The following FOXP2 variants were observed in gnomAD, a reference collection of about 807,000 sequenced individuals.
FOXP2 encodes the protein forkhead box protein P2.
A neutral mutation model predicts 115.8 loss-of-function variants in FOXP2; 12 were observed. That is an observed-to-expected ratio of 0.10 (90% CI 0.07 to 0.17). The LOEUF is 0.17. Among genes scored for constraint, FOXP2 ranks in the 10% least tolerant of loss-of-function variants. The pLI is 1.00. For missense variants in FOXP2, 629 were observed against 843.5 expected (o/e 0.75, Z 3.15); for synonymous variants, 328 against 297.7 (o/e 1.10, Z -1.05).
chr7:114,389,789 C>T (rs548880190), intron 2 of FOXP2, among the ~76,000 whole-genome samples: 11 of 151,978 alleles, frequency 7.2e-5, no homozygotes, highest in Admixed American at 5.2e-4. Flanking sequence ...TTTGGGAGGC[C>T]GAGGTGGGTG....
chr7:114,131,016 A>G (rs1475184264), intron 1 of FOXP2, among the ~76,000 whole-genome samples: 4 of 152,152 alleles, frequency 2.6e-5, no homozygotes, highest in African/African-American at 7.2e-5. Flanking sequence ...TTCCATGACA[A>G]CCTCCATGCT....
intron 2 of FOXP2, among the ~76,000 whole-genome samples, chr7:114,472,827 A>T (rs1796107876): frequency 6.6e-6 from 1 of 152,146 alleles, no homozygotes; most frequent in Non-Finnish European, 1.5e-5. Context: ...ACCAATAAAA[A>T]TGTATGTGTG....
At chr7:114,475,369 A>C (rs557022630) in intron 2 of FOXP2, among the ~76,000 whole-genome samples, 1 of 152,206 alleles carries the variant, frequency 6.6e-6, no homozygotes, top group South Asian at 2.1e-4. Flanking sequence ...TTGACTTATC[A>C]AAATTGCAAA....
At chr7:114,557,516 A>C (rs192358206) in intron 3 of FOXP2, among the ~76,000 whole-genome samples, 1 of 152,226 alleles carries the variant, frequency 6.6e-6, no homozygotes, top group East Asian at 1.9e-4. Context: ...CTGACTCCCA[A>C]ATTTTAAAAT....
chr7:114,524,318 G>T (rs759693237), intron 2 of FOXP2, among the ~76,000 whole-genome samples: 1 of 151,930 alleles, frequency 6.6e-6, no homozygotes, highest in Admixed American at 6.6e-5. Flanking sequence ...TAAAGAAAAA[G>T]AAAAAGAATT....
chr7:114,585,836 A>T lies in FOXP2; in HGVS notation c.259-42704A>T, dbSNP rs114445474. On this transcript the variant is annotated intron_variant, in intron 3 of 16. Coordinates refer to ENST00000350908, the MANE Select transcript of FOXP2 (RefSeq NM_014491.4). ...GAGCTGAAATTTTTTTTAACATGCT[A>T]CAAGATAGTGTGCAAATGCATTTAT... Among the ~76,000 whole-genome samples, 914 of 152,274 alleles carry T rather than the reference A, an allele frequency of 6.0e-3. 6 individuals are homozygous for T. Among genetic ancestry groups the T allele is most frequent in the African/African-American group, 0.021 (893 of 41,550 alleles).
chr7:114,117,379 G>A lies in FOXP2; in HGVS notation c.-247+29541G>A, dbSNP rs564886897. Among the ~76,000 whole-genome samples, 4 of 151,808 alleles carry A rather than the reference G, an allele frequency of 2.6e-5. No homozygotes were observed. In the South Asian group the frequency reaches 6.3e-4, roughly 24 times the overall value. ...TGGGATTACAGATGTGCACCACCAC[G>A]CCCAGCTAGTTTTTGTATTTTCAGT... On this transcript the variant is annotated intron_variant, in intron 1 of 19. Transcript: ENST00000635638.
intron 9 of FOXP2, 141 bp downstream of exon 9, chr7:114,652,431 T>G: frequency 1.3e-6 from 1 of 750,158 alleles, no homozygotes; most frequent in Non-Finnish European, 2.3e-6. Context: ...TATTTTAGAT[T>G]GTTTTAAACA....
At chr7:114,091,842 G>T (rs1019812468) in intron 1 of FOXP2, among the ~76,000 whole-genome samples, 2 of 151,810 alleles carry the variant, frequency 1.3e-5, no homozygotes, top group South Asian at 2.1e-4. Context: ...TGGGGTTTAG[G>T]TTCAACCTTT....
chr7:114,429,828 A>G (rs886313180), intron 2 of FOXP2, among the ~76,000 whole-genome samples: 8 of 151,686 alleles, frequency 5.3e-5, no homozygotes, highest in Non-Finnish European at 8.9e-5. Context: ...GCTAGAATCC[A>G]CACATTTTAT....
intron 3 of FOXP2, chr7:114,570,665 A>G (rs1419406992): frequency 2.9e-6 from 2 of 687,168 alleles, no homozygotes; most frequent in African/African-American, 1.8e-5. Context: ...ACTGTGAGAC[A>G]ATGATGGAAT....
At chr7:114,185,926 A>G (rs1184902744) in intron 1 of FOXP2, among the ~76,000 whole-genome samples, 2 of 152,162 alleles carry the variant, frequency 1.3e-5, no homozygotes, top group Non-Finnish European at 2.9e-5. Flanking sequence ...GAAATACACT[A>G]TCAATATACG....
At chr7:114,631,185 G>T in intron 5 of FOXP2, 1 of 314,552 alleles carries the variant, frequency 3.2e-6, no homozygotes, top group African/African-American at 2.1e-5. Flanking sequence ...GTGTGTCGTA[G>T]AAGTTGACTA....
intron 1 of FOXP2, among the ~76,000 whole-genome samples, chr7:114,263,739 T>C (rs746857166): frequency 1.3e-5 from 2 of 151,234 alleles, no homozygotes; most frequent in Non-Finnish European, 3.0e-5. Context: ...GCTTGTGTTT[T>C]CTTTCTTGCA....
At chr7:114,465,503 T>G (rs1795763711) in intron 2 of FOXP2, among the ~76,000 whole-genome samples, 1 of 152,164 alleles carries the variant, frequency 6.6e-6, no homozygotes, top group Non-Finnish European at 1.5e-5. Context: ...ACCAATAAAG[T>G]CTAAGCCTTA....
chr7:114,237,561 C>T (rs576915280), intron 1 of FOXP2, among the ~76,000 whole-genome samples: 1 of 152,000 alleles, frequency 6.6e-6, no homozygotes, highest in Non-Finnish European at 1.5e-5. Flanking sequence ...GCTCTTGAAC[C>T]ACGTGCTCAG....
Position 114,457,586 on chromosome 7 carries a change from T to A in FOXP2, c.168+30907T>A, listed in dbSNP as rs1795364500. Among the ~76,000 whole-genome samples the A allele has an allele frequency of 2.0e-5, 3 of 152,166 alleles. No individual in the cohort carries two copies. In the South Asian group the frequency reaches 6.2e-4, roughly 31 times the overall value. ...TAGCCTTGTTTTGTATAGCATTAGA[T>A]CAAATTATCATATTAAAAATATATT... is the stretch of plus-strand genomic sequence containing the variant. On this transcript the variant is annotated intron_variant, in intron 2 of 16. Coordinates refer to ENST00000350908, the MANE Select transcript of FOXP2 (RefSeq NM_014491.4).
chr7:114,139,422 T>TTA (rs1792141866), intron 1 of FOXP2, among the ~76,000 whole-genome samples: 1 of 152,014 alleles, frequency 6.6e-6, no homozygotes, highest in African/African-American at 2.4e-5. Context: ...AAGGTTTCTT[T>TTA]TATATATATA....
At chr7:114,418,674 T>C (rs1453395332) in intron 1 of FOXP2, among the ~76,000 whole-genome samples, 1 of 135,976 alleles carries the variant, frequency 7.4e-6, no homozygotes, top group Non-Finnish European at 1.7e-5. Flanking sequence ...AAGCTGTGGG[T>C]TCAAAAAAAA....
Sources: allele counts gnomAD v4.1 joint callset (sites outside exome capture counted in the v4.1 genomes callset), GRCh38; gene constraint gnomAD v4.1.1; transcripts MANE v1.5; gene names NCBI Gene and HGNC (gene_info 2026-07-23, HGNC 2026-07-21).